The following TECPR1 variants were observed in gnomAD, a reference collection of about 807,000 sequenced individuals.
TECPR1 encodes tectonin beta-propeller repeat-containing protein 1.
A neutral mutation model predicts 162.4 loss-of-function variants in TECPR1; 122 were observed. The observed-to-expected ratio is 0.75, with a 90% confidence interval of 0.65 to 0.87. The LOEUF (loss-of-function observed/expected upper bound fraction) is 0.87. Among genes scored for constraint, TECPR1 ranks in the 40% least tolerant of loss-of-function variants. TECPR1 has a pLI of 0.00. For missense variants in TECPR1, 1,432 were observed against 1,618.2 expected (o/e 0.88, Z 1.97); for synonymous variants, 642 against 670.6 (o/e 0.96, Z 0.66).
chr7:98,241,300 C>T lies in TECPR1; in HGVS notation c.658-56G>A, dbSNP rs765561219. On this transcript the variant is annotated intron_variant, in intron 6 of 25. Transcript: ENST00000447648. This position sits in a 1 kb window ranked among gnomAD's most constrained non-coding sequence, Gnocchi z 5.0. ...CATCAACTCATTCACACCAGCCAAG[C>T]ACGGGGGTCTCGGTGTGGTAGGGGG... 6.3e-7 allele frequency: 1 copy of T among 1,598,418 alleles called. No homozygotes were observed. The highest frequency in any genetic ancestry group is 8.5e-7 in the Non-Finnish European group (1 of 1,170,068).
Position 98,217,320 on chromosome 7 carries a change from G to T in TECPR1, c.*70C>A. The T allele has an allele frequency of 9.4e-7, 1 of 1,063,332 alleles. No individual in the cohort carries two copies. The highest frequency in any genetic ancestry group is 1.3e-6 in the Non-Finnish European group (1 of 745,606). The allele number at this position is 1,063,332 out of a possible 1,614,324, so 65.9% of individuals were successfully genotyped here. On this transcript the variant is annotated 3_prime_UTR_variant, in exon 26 of 26. Coordinates refer to ENST00000447648, the MANE Select transcript of TECPR1 (RefSeq NM_015395.3). ...CATTGCTCCCACGGTGCACACTCCA[G>T]CACAAGAATGGCTCAGCCTTGATCC... is the stretch of plus-strand genomic sequence containing the variant.
chr7:98,223,813 G>T (rs539841579), intron 19 of TECPR1, 95 bp from the exon 20 acceptor site: 62 of 1,375,334 alleles, frequency 4.5e-5, no homozygotes, highest in Admixed American at 2.4e-4. Flanking sequence ...CCGTTACAGG[G>T]CATGGGGACT....
At chr7:98,240,001 A>C (rs1346812796) in intron 8 of TECPR1, among the ~76,000 whole-genome samples, 2 of 151,628 alleles carry the variant, frequency 1.3e-5, no homozygotes, top group Non-Finnish European at 2.9e-5. Context: ...CCCCGCTACG[A>C]GGGAGGCTGA....
At chr7:98,223,576 G>T in intron 20 of TECPR1, 86 bp downstream of exon 20, 1 of 1,454,044 alleles carries the variant, frequency 6.9e-7, no homozygotes, top group Non-Finnish European at 9.6e-7. Context: ...AGGAGATCTG[G>T]CCCGGGGTGC....
chr7:98,235,394 G>A (rs553258589), intron 10 of TECPR1, among the ~76,000 whole-genome samples: 9 of 151,896 alleles, frequency 5.9e-5, no homozygotes, highest in South Asian at 2.1e-4. Flanking sequence ...GTGTGGTGGC[G>A]GGTGCCTGTA....
rs745557265 is a variant in TECPR1, at chr7:98,223,059, G to C, written c.2859C>G (p.Ile953Met). The C allele has an allele frequency of 1.2e-6, 2 of 1,607,628 alleles. No homozygotes were observed. Among genetic ancestry groups the C allele is most frequent in the Non-Finnish European group, 1.7e-6 (2 of 1,177,632 alleles). Residue 953 changes from isoleucine (I) to methionine (M), a missense_variant, in exon 21 of 26, where the codon ATC becomes ATG. Physicochemically the swap from Ile to Met is conservative, Grantham distance 10. Coordinates refer to ENST00000447648, the MANE Select transcript of TECPR1 (RefSeq NM_015395.3). The part of the protein sequence containing the change: ...SPGAEGSGHS[I>M]ALWAVSDKGD... ...CCTTGTCGCTGACGGCCCAGAGGGC[G>C]ATGCTGTGCCCACTCCCCTCGGCAC...
chr7:98,235,336 T>C (rs1446164545), intron 10 of TECPR1, among the ~76,000 whole-genome samples: 3 of 151,756 alleles, frequency 2.0e-5, no homozygotes, highest in Non-Finnish European at 4.4e-5. Flanking sequence ...CCATCCTGGC[T>C]AACACGGTGA....
In TECPR1 at chr7:98,215,216, AG is replaced by A. The variant is rs967398222; in HGVS notation, c.*2173del. 9 of 152,204 alleles carry A rather than the reference AG, an allele frequency of 5.9e-5. No homozygotes were observed. Among genetic ancestry groups the A allele is most frequent in the African/African-American group, 1.2e-4 (5 of 41,456 alleles). 9.4% of individuals were successfully genotyped at this position (152,204 alleles called of 1,614,324 possible). On this transcript the variant is annotated 3_prime_UTR_variant, in exon 26 of 26. Transcript: ENST00000447648. Reference sequence around the variant, plus strand: ...GCCCCCGACAGACAGGCGCCCTGAGAGCTCCGAAGGCGCGATCCCCATCCCC... The same window carrying A: ...GCCCCCGACAGACAGGCGCCCTGAGACTCCGAAGGCGCGATCCCCATCCCC...
At chr7:98,222,621 A>G in intron 21 of TECPR1, 100 bp from the exon 22 acceptor site, 1 of 1,418,984 alleles carries the variant, frequency 7.0e-7, no homozygotes, top group Non-Finnish European at 9.4e-7. Flanking sequence ...TGGGCAGCAT[A>G]GGTGGCTGGG....
In TECPR1 at chr7:98,217,330, G is replaced by T; in HGVS notation, c.*60C>A. ...ACGGTGCACACTCCAGCACAAGAAT[G>T]GCTCAGCCTTGATCCCCCAAACTGG... On this transcript the variant is annotated 3_prime_UTR_variant, in exon 26 of 26. Coordinates refer to ENST00000447648, the MANE Select transcript of TECPR1 (RefSeq NM_015395.3). 1.8e-6 allele frequency: 2 copies of T among 1,119,862 alleles called. No homozygotes were observed. The highest frequency in any genetic ancestry group is 2.5e-6 in the Non-Finnish European group (2 of 793,620). The allele number at this position is 1,119,862 out of a possible 1,614,324, so 69.4% of individuals were successfully genotyped here.
intron 17 of TECPR1, 91 bp from the exon 18 acceptor site, chr7:98,225,193 C>T (rs558995427): frequency 8.0e-6 from 10 of 1,243,404 alleles, no homozygotes; most frequent in Middle Eastern, 2.7e-4. Context: ...AGGGAAGCAC[C>T]GAGCTCCAGT....
intron 23 of TECPR1, among the ~76,000 whole-genome samples, chr7:98,219,554 A>AAACCAAT (rs1798093828): frequency 6.6e-6 from 1 of 152,228 alleles, no homozygotes; most frequent in African/African-American, 2.4e-5. Flanking sequence ...AAAAAACAAA[A>AAACCAAT]AACCAATAAT....
intron 22 of TECPR1, 128 bp from the exon 23 acceptor site, chr7:98,221,881 G>T: frequency 2.9e-6 from 2 of 692,674 alleles, no homozygotes; most frequent in Non-Finnish European, 4.9e-6. Flanking sequence ...GCCACACAGA[G>T]CTGACACGTG....
rs1478168643 is a variant in TECPR1 at position 98,215,618 on chromosome 7, C to A, written c.*1772G>T. ...GAGGACGCGTCACTCTGCCGTTCTGCAGGGTGACGCCCTCCCCGTACCTCG... is the reference window on the plus strand; with the variant it reads ...GAGGACGCGTCACTCTGCCGTTCTGAAGGGTGACGCCCTCCCCGTACCTCG... On this transcript the variant is annotated 3_prime_UTR_variant, in exon 26 of 26. Coordinates refer to ENST00000447648, the MANE Select transcript of TECPR1 (RefSeq NM_015395.3). 6.6e-6 allele frequency: 1 copy of A among 152,268 alleles called. No individual in the cohort carries two copies. The highest frequency in any genetic ancestry group is 2.4e-5 in the African/African-American group (1 of 41,472). The allele number at this position is 152,268 out of a possible 1,614,324, so 9.4% of individuals were successfully genotyped here.
At chr7:98,227,237 C>T (rs1320303289) in intron 17 of TECPR1, among the ~76,000 whole-genome samples, 2 of 151,232 alleles carry the variant, frequency 1.3e-5, no homozygotes, top group African/African-American at 2.4e-5. Flanking sequence ...ACTAAAAATA[C>T]GAAAATTAGC....
rs775686535 is a variant in TECPR1 at position 98,221,795 on chromosome 7, C to T, written c.3065-42G>A. On this transcript the variant is annotated intron_variant, in intron 22 of 25. Coordinates refer to ENST00000447648, the MANE Select transcript of TECPR1 (RefSeq NM_015395.3). The stretch of plus-strand genomic sequence containing the variant: ...GACTCAGGCACGCTGCCTTCTCCTC[C>T]TTGCATGGGCCAGGTGGGGCTGTGG... The T allele has an allele frequency of 2.7e-4, 424 of 1,557,432 alleles. 2 individuals are homozygous for T. The highest frequency in any genetic ancestry group is 3.5e-4 in the Middle Eastern group (2 of 5,646).
At chr7:98,238,373 G>T in intron 9 of TECPR1, 136 bp downstream of exon 9, 1 of 732,066 alleles carries the variant, frequency 1.4e-6, no homozygotes. Context: ...TGGCACCTCA[G>T]AAAGAACTTC....
intron 6 of TECPR1, 34 bp downstream of exon 6, chr7:98,243,432 TG>T (rs769604067): frequency 1.2e-6 from 2 of 1,609,630 alleles, no homozygotes; most frequent in Non-Finnish European, 1.7e-6. Context: ...GGTGGGATCG[TG>T]GGGAGCCAGG....
At position 98,241,039 on chromosome 7, in the gene TECPR1, G is replaced by C; in HGVS notation, c.832+31C>G. 6.3e-7 allele frequency: 1 copy of C among 1,592,768 alleles called. No individual in the cohort carries two copies. The highest frequency in any genetic ancestry group is 8.6e-7 in the Non-Finnish European group (1 of 1,169,246). ...ACCCTCACCCTTCTCCCCAGTACAGGGTATGTGGGTGGGGGAGCCGGGCTG... is the reference window on the plus strand; with the variant it reads ...ACCCTCACCCTTCTCCCCAGTACAGCGTATGTGGGTGGGGGAGCCGGGCTG... On this transcript the variant is annotated intron_variant, in intron 7 of 25. Transcript: ENST00000447648. The surrounding 1 kb of genome is among the most constrained non-coding windows in gnomAD (Gnocchi z 5.0).
Sources: allele counts gnomAD v4.1 joint callset (sites outside exome capture counted in the v4.1 genomes callset), GRCh38; gene constraint gnomAD v4.1.1; non-coding constraint Gnocchi (gnomAD v3.1); transcripts MANE v1.5; gene names NCBI Gene and HGNC (gene_info 2026-07-23, HGNC 2026-07-21).